The following LINGO2 variants were observed in gnomAD, a reference collection of about 807,000 sequenced individuals.
LINGO2 encodes leucine rich repeat and Ig domain containing 2.
LINGO2 carries 14 observed loss-of-function variants against 30.6 expected under a neutral mutation model. The ratio of observed to expected loss-of-function variants is 0.46; its 90% CI spans 0.30 to 0.72. The LOEUF is 0.72. Ranked by LOEUF, LINGO2 falls within the 30% of genes least tolerant of loss-of-function variation. The pLI, the probability that LINGO2 is intolerant of heterozygous loss-of-function variation, is 0.07. For synonymous variants in LINGO2, 317 were observed against 288.5 expected (o/e 1.10, Z -1.00); for missense variants, 729 against 751.7 (o/e 0.97, Z 0.35).
chr9:28,131,809 C>G (rs1198276271), intron 4 of LINGO2, among the ~76,000 whole-genome samples: 1 of 152,050 alleles, frequency 6.6e-6, no homozygotes, highest in Admixed American at 6.6e-5. Flanking sequence ...ATGCATCACA[C>G]CTCTTAGGTG....
At chr9:28,917,824 T>C in the LINGO2 span, among the ~76,000 whole-genome samples, 157 of 152,142 alleles carry the variant, frequency 1.0e-3, 1 homozygote, top group East Asian at 0.023. Context: ...TAAAAGATGA[T>C]TGAATCAAGG....
intron 4 of LINGO2, among the ~76,000 whole-genome samples, chr9:28,198,292 G>C (rs1405857111): frequency 6.6e-6 from 1 of 151,658 alleles, no homozygotes. Flanking sequence ...AGAATGCTGT[G>C]TATACAGTTT....
In LINGO2 at chr9:28,243,120, C is replaced by A. The variant is rs573524998; in HGVS notation, c.-87+52088G>T. Among the ~76,000 whole-genome samples the A allele has an allele frequency of 1.1e-4, 17 of 152,154 alleles. No homozygotes were observed. In the East Asian group the frequency reaches 3.3e-3, roughly 29 times the overall value. ...ATAACAGAATCAAATTCACACATAA[C>A]AATATTAACCTTAAATGTAAATGGT... On this transcript the variant is annotated intron_variant, in intron 4 of 5. Transcript: ENST00000379992.
In LINGO2 at chr9:28,190,463, GA is replaced by G. The variant is rs1308024705; in HGVS notation, c.-87+104744del. 1.2e-4 allele frequency among the ~76,000 whole-genome samples: 19 copies of G among 152,224 alleles called. No homozygotes were observed. In the South Asian group the frequency reaches 3.9e-3, roughly 32 times the overall value. ...TGGTATTAGGAGGTGGGGCCATTGAGATGTGATTATGTCCTGAGAGCAGAGC... is the reference window on the plus strand; with the variant it reads ...TGGTATTAGGAGGTGGGGCCATTGAGTGTGATTATGTCCTGAGAGCAGAGC... On this transcript the variant is annotated intron_variant, in intron 4 of 5. Transcript: ENST00000379992.
intron 1 of LINGO2, among the ~76,000 whole-genome samples, chr9:28,492,238 C>T (rs1044191513): frequency 6.6e-6 from 1 of 152,112 alleles, no homozygotes; most frequent in African/African-American, 2.4e-5. Context: ...AAGTGGAATA[C>T]AACAATGTCT....
At chr9:29,190,778 A>C in the LINGO2 span, among the ~76,000 whole-genome samples, 1 of 152,300 alleles carries the variant, frequency 6.6e-6, no homozygotes, top group South Asian at 2.1e-4. Flanking sequence ...ACAATTTTAA[A>C]ATTATTAACT....
At chr9:28,643,586 C>A (rs1199134658) in intron 1 of LINGO2, among the ~76,000 whole-genome samples, 1 of 151,988 alleles carries the variant, frequency 6.6e-6, no homozygotes, top group Admixed American at 6.6e-5. Context: ...GAAACTATTA[C>A]AAGAAAACAT....
At chr9:28,223,992 T>A (rs1821057036) in intron 4 of LINGO2, among the ~76,000 whole-genome samples, 1 of 152,216 alleles carries the variant, frequency 6.6e-6, no homozygotes. Flanking sequence ...TGGAAGTTCA[T>A]CTACTTTCAG....
chr9:28,673,306 G>C (rs963495486), upstream of LINGO2, among the ~76,000 whole-genome samples: 1 of 152,102 alleles, frequency 6.6e-6, no homozygotes, highest in African/African-American at 2.4e-5. Context: ...CCTAGATCAT[G>C]TGATTTATTA....
At chr9:28,893,583 T>C in the LINGO2 span, among the ~76,000 whole-genome samples, 2 of 149,602 alleles carry the variant, frequency 1.3e-5, no homozygotes, top group African/African-American at 4.9e-5. Flanking sequence ...GTTATCATTT[T>C]TTTTTTTAAT....
the LINGO2 span, among the ~76,000 whole-genome samples, chr9:28,903,311 C>A: frequency 4.3e-4 from 66 of 152,056 alleles, no homozygotes; most frequent in African/African-American, 8.2e-4. Flanking sequence ...TTCTACCTAC[C>A]AAGGCTGACT....
At position 28,332,435 on chromosome 9, in the gene LINGO2, T is replaced by A. The variant is rs150111388; in HGVS notation, c.-245-37069A>T. ...GAAGTGAAAACAGTAATGTACCAAT[T>A]CTCTAATAAACGAAAAAGACATGGT... is the stretch of plus-strand genomic sequence containing the variant. On this transcript the variant is annotated intron_variant, in intron 3 of 5. Transcript: ENST00000379992. Among the ~76,000 whole-genome samples, 3 of 152,148 alleles carry A rather than the reference T, an allele frequency of 2.0e-5. No individual in the cohort carries two copies. In the East Asian group the frequency reaches 5.8e-4, roughly 29 times the overall value.
chr9:29,128,084 A>G, the LINGO2 span, among the ~76,000 whole-genome samples: 6 of 152,110 alleles, frequency 3.9e-5, no homozygotes, highest in African/African-American at 1.4e-4. Flanking sequence ...AGGATGATAT[A>G]AGTCAAGATC....
At chr9:28,002,790 G>C (rs570233151) in intron 5 of LINGO2, among the ~76,000 whole-genome samples, 11 of 103,022 alleles carry the variant, frequency 1.1e-4, no homozygotes, top group African/African-American at 4.2e-4. Flanking sequence ...CATTCTCCCC[G>C]TCAGTGGGTT....
chr9:28,181,831 G>T (rs1819346335), intron 4 of LINGO2, among the ~76,000 whole-genome samples: 2 of 151,952 alleles, frequency 1.3e-5, no homozygotes, highest in South Asian at 4.2e-4. Context: ...TCCTTGAAGA[G>T]GTCCTTCTAT....
chr9:28,121,879 G>A (rs1827106112), intron 4 of LINGO2, among the ~76,000 whole-genome samples: 1 of 152,120 alleles, frequency 6.6e-6, no homozygotes, highest in Non-Finnish European at 1.5e-5. Flanking sequence ...CAAGCTTGGT[G>A]CTATTAAAAA....
chr9:28,546,350 T>C (rs766288877), intron 1 of LINGO2, among the ~76,000 whole-genome samples: 12 of 151,926 alleles, frequency 7.9e-5, no homozygotes, highest in Non-Finnish European at 1.5e-4. Context: ...CCTTCAGCAA[T>C]GTAGACCAAA....
At chr9:28,542,884 A>G (rs1340695413) in intron 1 of LINGO2, among the ~76,000 whole-genome samples, 1 of 152,052 alleles carries the variant, frequency 6.6e-6, no homozygotes, top group East Asian at 1.9e-4. Flanking sequence ...AAACTCTGTT[A>G]CATGCCACAC....
At chr9:27,990,571 G>A (rs1821350364) in intron 5 of LINGO2, among the ~76,000 whole-genome samples, 1 of 149,814 alleles carries the variant, frequency 6.7e-6, no homozygotes, top group Non-Finnish European at 1.5e-5. Context: ...TGGAACAAAG[G>A]CATTAAAAAA....
Sources: allele counts gnomAD v4.1 joint callset (sites outside exome capture counted in the v4.1 genomes callset), GRCh38; gene constraint gnomAD v4.1.1; transcripts MANE v1.5; gene names NCBI Gene and HGNC (gene_info 2026-07-23, HGNC 2026-07-21).